Variants in DNAH3 observed in about 807,000 individuals in gnomAD.
The protein encoded by DNAH3 is axonemal beta dynein heavy chain 3.
DNAH3 carries 332 observed loss-of-function variants against 432.5 expected under a neutral mutation model. The observed-to-expected ratio is 0.77, with a 90% CI of 0.70 to 0.84. The LOEUF is 0.84. DNAH3 is among the 40% of genes least tolerant of loss of function. DNAH3 has a pLI of 0.00. For synonymous variants in DNAH3, 1,956 were observed against 1,900.2 expected, an observed-to-expected ratio of 1.03 and a Z score of -0.76; for missense variants, 4,861 against 5,114.0, an observed-to-expected ratio of 0.95 and a Z score of 1.51.
At chr16:20,959,230 T>A in exon 54 of DNAH3, 1 of 1,614,146 alleles carries the variant, frequency 6.2e-7, no homozygotes, top group South Asian at 1.1e-5. Flanking sequence ...ACAAATCTTC[T>A]CCAGGGTAGG....
At chr16:20,961,349 G>T (rs1411364840) in intron 53 of DNAH3, among the ~76,000 whole-genome samples, 2 of 152,060 alleles carry the variant, frequency 1.3e-5, no homozygotes, top group African/African-American at 4.8e-5. Context: ...CTGTCGTGGG[G>T]TGCGGGGAGG....
At chr16:20,943,393 A>C (rs1303446655) in intron 58 of DNAH3, among the ~76,000 whole-genome samples, 2 of 151,952 alleles carry the variant, frequency 1.3e-5, no homozygotes, top group South Asian at 2.1e-4. Context: ...TTAACTTAAA[A>C]AAAATTTTTT....
chr16:21,072,233 A>C (rs1567740967), intron 21 of DNAH3, among the ~76,000 whole-genome samples: 1 of 151,198 alleles, frequency 6.6e-6, no homozygotes, highest in African/African-American at 2.4e-5. Context: ...TAATTAATTA[A>C]TTAATTAATT....
chr16:20,959,289 G>A lies in DNAH3; in HGVS notation c.10716C>T (p.Asp3572=), dbSNP rs143956219. Residue 3572 remains aspartate, a synonymous_variant, in exon 54 of 62, where the codon GAC becomes GAT. Transcript: ENST00000261383. ...AGTTCTGTAAGACCACCCAGGTCCC[G>A]TCTTTGATGGCATTGTTGATCATTT... is the stretch of plus-strand genomic sequence containing the variant. 2,249 of 1,614,162 alleles carry A rather than the reference G, an allele frequency of 1.4e-3. 26 individuals carry two copies. The African/African-American group carries it at 0.027, about 19-fold the overall frequency.
At chr16:20,966,014 ATTTTTTTTTTTTTTTTTTTTTTTTTT>A (rs555983378) in intron 52 of DNAH3, among the ~76,000 whole-genome samples, 9 of 48,364 alleles carry the variant, frequency 1.9e-4, no homozygotes, top group Non-Finnish European at 3.2e-4. Context: ...TGCCCAGCCA[ATTTTTTTTTTTTTTTTTTTTTTTTTT>A]TTTTTTTTTT....
chr16:21,022,504 G>A (rs1476744762), intron 39 of DNAH3, among the ~76,000 whole-genome samples: 1 of 152,156 alleles, frequency 6.6e-6, no homozygotes, highest in African/African-American at 2.4e-5. Flanking sequence ...GGTGAGGTGG[G>A]ACTCCTGTAT....
intron 15 of DNAH3, chr16:21,104,571 T>A: frequency 1.2e-6 from 2 of 1,607,754 alleles, no homozygotes. Flanking sequence ...AGGAACAGAG[T>A]GCTGTTCAAT....
At chr16:21,016,499 C>T (rs1354516625) in intron 41 of DNAH3, among the ~76,000 whole-genome samples, 2 of 152,018 alleles carry the variant, frequency 1.3e-5, no homozygotes, top group Non-Finnish European at 2.9e-5. Context: ...GTAAAACATA[C>T]AGAGAGAATA....
At chr16:20,988,802 T>C (rs945662883) in intron 44 of DNAH3, among the ~76,000 whole-genome samples, 4 of 151,978 alleles carry the variant, frequency 2.6e-5, no homozygotes, top group African/African-American at 9.7e-5. Flanking sequence ...GTCTGGAGGT[T>C]GTTCCTTCTG....
intron 57 of DNAH3, among the ~76,000 whole-genome samples, chr16:20,947,119 C>G (rs1251733549): frequency 2.0e-5 from 3 of 152,114 alleles, no homozygotes; most frequent in African/African-American, 7.2e-5. Flanking sequence ...GCCACTGCAC[C>G]TGACCTGATT....
chr16:21,099,481 T>C (rs1236145620), intron 16 of DNAH3, among the ~76,000 whole-genome samples: 4 of 152,234 alleles, frequency 2.6e-5, no homozygotes, highest in Non-Finnish European at 5.9e-5. Context: ...ACTTCATCCA[T>C]ATTATCAACA....
intron 40 of DNAH3, among the ~76,000 whole-genome samples, chr16:21,020,601 CTG>C (rs1386983785): frequency 6.7e-6 from 1 of 149,032 alleles, no homozygotes; most frequent in Non-Finnish European, 1.5e-5. Context: ...CGGGGTTTTA[CTG>C]TGTTGTTGGC....
chr16:21,072,452 G>A (rs910757275), intron 21 of DNAH3, among the ~76,000 whole-genome samples: 2 of 151,626 alleles, frequency 1.3e-5, no homozygotes, highest in Non-Finnish European at 2.9e-5. Flanking sequence ...TCAGCCTCCT[G>A]CGTAGCTGGG....
chr16:21,150,875 G>T (rs1432797973), intron 1 of DNAH3, 29 bp from the exon 1 acceptor site: 3 of 152,822 alleles, frequency 2.0e-5, no homozygotes, highest in African/African-American at 7.2e-5. Context: ...GTTGCTAAGG[G>T]AAGGAGGGGC....
chr16:20,959,608 TAAACAC>T (rs1430895353), intron 53 of DNAH3, among the ~76,000 whole-genome samples: 58 of 109,544 alleles, frequency 5.3e-4, no homozygotes, highest in Non-Finnish European at 7.2e-4. Context: ...TGTCTCTATT[TAAACAC>T]ACACACACAC....
At chr16:21,077,471 G>T (rs960890773) in intron 20 of DNAH3, among the ~76,000 whole-genome samples, 1 of 151,934 alleles carries the variant, frequency 6.6e-6, no homozygotes, top group Non-Finnish European at 1.5e-5. Flanking sequence ...CCAGTATTCT[G>T]ATTTCTTATT....
intron 26 of DNAH3, 21 bp from the exon 27 acceptor site, chr16:21,058,217 T>C (rs1209129721): frequency 3.5e-6 from 5 of 1,433,588 alleles, no homozygotes; most frequent in Non-Finnish European, 3.9e-6. Flanking sequence ...ACAGTGGGCA[T>C]GTTATAGGAT....
intron 5 of DNAH3, among the ~76,000 whole-genome samples, chr16:21,138,235 G>A (rs1369835562): frequency 1.3e-5 from 2 of 151,324 alleles, no homozygotes; most frequent in Admixed American, 6.6e-5. Context: ...GTGACAGAGC[G>A]AGATTCTGTC....
intron 48 of DNAH3, among the ~76,000 whole-genome samples, chr16:20,984,437 GA>G (rs1199753724): frequency 1.3e-5 from 2 of 152,262 alleles, no homozygotes; most frequent in African/African-American, 4.8e-5. Flanking sequence ...ACTTGGTAAA[GA>G]AAGGGAAGTA....
Sources: allele counts gnomAD v4.1 joint callset (sites outside exome capture counted in the v4.1 genomes callset), GRCh38; gene constraint gnomAD v4.1.1; transcripts MANE v1.5; gene names NCBI Gene and HGNC (gene_info 2026-07-23, HGNC 2026-07-21).